Variants in RCSD1 observed in about 807,000 individuals in gnomAD.
RCSD1 encodes RCSD domain containing 1, also known as capZ-interacting protein.
Under a neutral mutation model 42.5 loss-of-function variants are expected in RCSD1, and 26 were observed. That is an observed-to-expected ratio of 0.61 (90% CI 0.45 to 0.85). RCSD1 has a LOEUF of 0.85. Among genes scored for constraint, RCSD1 ranks in the 40% least tolerant of loss-of-function variants. The probability of loss-of-function intolerance (pLI) is 0.00; values close to 1 mark genes in which losing one functional copy is unlikely to be tolerated. For missense variants in RCSD1, 571 were observed against 528.3 expected, an observed-to-expected ratio of 1.08 and a Z score of -0.79; for synonymous variants, 220 against 212.2, an observed-to-expected ratio of 1.04 and a Z score of -0.32.
chr1:167,656,105 T>C (rs1658420529), intron 1 of RCSD1, among the ~76,000 whole-genome samples: 1 of 152,190 alleles, frequency 6.6e-6, no homozygotes, highest in Admixed American at 6.5e-5. Flanking sequence ...TTATACAGCC[T>C]ATCTTTTAAA....
intron 1 of RCSD1, among the ~76,000 whole-genome samples, chr1:167,639,776 G>A (rs12023442): frequency 0.22 from 33,381 of 152,216 alleles, 3,884 homozygotes; most frequent in Non-Finnish European, 0.24. Context: ...TTACAGGCAT[G>A]AGCCATGATG....
At chr1:167,680,506 C>G (rs1442312497) in intron 1 of RCSD1, among the ~76,000 whole-genome samples, 1 of 151,820 alleles carries the variant, frequency 6.6e-6, no homozygotes, top group Non-Finnish European at 1.5e-5. Flanking sequence ...GGCAGAGTCT[C>G]TGTTGCCCCA....
chr1:167,632,959 C>T (rs939405877), intron 1 of RCSD1, among the ~76,000 whole-genome samples: 9 of 152,116 alleles, frequency 5.9e-5, no homozygotes, highest in African/African-American at 2.2e-4. Flanking sequence ...CAGAGTAAAA[C>T]CCTCTTTTGA....
intron 1 of RCSD1, among the ~76,000 whole-genome samples, chr1:167,654,104 G>A (rs571670826): frequency 1.2e-4 from 18 of 152,280 alleles, no homozygotes; most frequent in Non-Finnish European, 2.5e-4. Context: ...GATCATCTTC[G>A]TTAAGCACTA....
intron 6 of RCSD1, 79 bp from the exon 7 acceptor site, chr1:167,704,585 A>G: frequency 8.2e-7 from 1 of 1,222,680 alleles, no homozygotes; most frequent in East Asian, 2.3e-5. Flanking sequence ...TGCCAGATCC[A>G]TCATCCCCAA....
intron 3 of RCSD1, among the ~76,000 whole-genome samples, chr1:167,689,617 A>G (rs1407644609): frequency 6.6e-6 from 1 of 152,134 alleles, no homozygotes; most frequent in Admixed American, 6.5e-5. Flanking sequence ...TTCCAGTCAT[A>G]CCTCTGTCAT....
intron 1 of RCSD1, among the ~76,000 whole-genome samples, chr1:167,669,663 T>C (rs1658754309): frequency 1.3e-5 from 2 of 152,234 alleles, no homozygotes; most frequent in Non-Finnish European, 1.5e-5. Context: ...ACTGAATTAT[T>C]ATCATTGATT....
chr1:167,637,145 G>C (rs1229949010), intron 1 of RCSD1, among the ~76,000 whole-genome samples: 3 of 152,164 alleles, frequency 2.0e-5, no homozygotes, highest in South Asian at 2.1e-4. Flanking sequence ...GGGTGAGTAA[G>C]AGTTAACCAA....
chr1:167,673,732 A>G (rs145636570), intron 1 of RCSD1, among the ~76,000 whole-genome samples: 1 of 152,312 alleles, frequency 6.6e-6, no homozygotes, highest in East Asian at 1.9e-4. Context: ...CTTAGACCAT[A>G]TTGAACTAAA....
chr1:167,671,936 C>T (rs1658819200), intron 1 of RCSD1, among the ~76,000 whole-genome samples: 1 of 152,184 alleles, frequency 6.6e-6, no homozygotes, highest in South Asian at 2.1e-4. Flanking sequence ...ACCAGCTCTG[C>T]TTACCCTTCA....
At chr1:167,701,901 C>T (rs1003925456) in intron 6 of RCSD1, among the ~76,000 whole-genome samples, 2 of 152,182 alleles carry the variant, frequency 1.3e-5, no homozygotes, top group Admixed American at 6.5e-5. Flanking sequence ...TATGGGCTTC[C>T]TCAGGCACCC....
chr1:167,630,480 G>C, intron 1 of RCSD1, 51 bp downstream of exon 1: 2 of 1,498,076 alleles, frequency 1.3e-6, no homozygotes, highest in African/African-American at 1.4e-5. Context: ...CGGTGTATCG[G>C]GCGCCCCTTC....
intron 1 of RCSD1, chr1:167,664,970 G>A (rs1442775974): frequency 1.3e-5 from 2 of 151,092 alleles, no homozygotes; most frequent in African/African-American, 4.9e-5. Context: ...CTCAGGAGGT[G>A]AAGGTTGCAG....
chr1:167,645,740 C>A (rs1658120884), intron 1 of RCSD1, among the ~76,000 whole-genome samples: 1 of 152,154 alleles, frequency 6.6e-6, no homozygotes, highest in Non-Finnish European at 1.5e-5. Flanking sequence ...GACCTCTTAA[C>A]CCACATGTGT....
intron 3 of RCSD1, among the ~76,000 whole-genome samples, chr1:167,687,766 T>C (rs1659271555): frequency 6.6e-6 from 1 of 152,186 alleles, no homozygotes; most frequent in Non-Finnish European, 1.5e-5. Context: ...CTATGCTTGC[T>C]CAGGTCTGAG....
chr1:167,694,150 A>T lies in RCSD1; in HGVS notation c.322A>T (p.Ser108Cys), dbSNP rs1294462776. Reference protein sequence around the residue: ...AALLPGASPKSPGLKAMVSPF... With the variant: ...AALLPGASPKCPGLKAMVSPF... Reference sequence around the variant, plus strand: ...TCTACTGCCTGGGGCCTCACCCAAGAGTCCTGGACTCAAGGCTATGGTGTC... The same window carrying T: ...TCTACTGCCTGGGGCCTCACCCAAGTGTCCTGGACTCAAGGCTATGGTGTC... Residue 108 changes from serine (S) to cysteine (C), a missense_variant, in exon 5 of 7, where the codon AGT becomes TGT. Transcript: ENST00000367854. 6 of 1,614,082 alleles carry T rather than the reference A, an allele frequency of 3.7e-6. No homozygotes were observed. Among genetic ancestry groups the T allele is most frequent in the Non-Finnish European group, 5.1e-6 (6 of 1,180,056 alleles).
At chr1:167,692,778 A>G (rs934727920) in intron 4 of RCSD1, among the ~76,000 whole-genome samples, 6 of 152,192 alleles carry the variant, frequency 3.9e-5, no homozygotes, top group Non-Finnish European at 5.9e-5. Context: ...TATTAAGATC[A>G]CAATGAAAAC....
chr1:167,663,617 C>T (rs1298262910), intron 1 of RCSD1: 1 of 152,290 alleles, frequency 6.6e-6, no homozygotes, highest in African/African-American at 2.4e-5. Context: ...TTGTAAATTC[C>T]TCCGACATGA....
intron 1 of RCSD1, chr1:167,640,426 A>C (rs1432198002): frequency 1.3e-5 from 2 of 152,202 alleles, no homozygotes; most frequent in African/African-American, 4.8e-5. Flanking sequence ...GTGTCATTGG[A>C]TCAGGACCTA....
Sources: allele counts gnomAD v4.1 joint callset (sites outside exome capture counted in the v4.1 genomes callset), GRCh38; gene constraint gnomAD v4.1.1; transcripts MANE v1.5; gene names NCBI Gene and HGNC (gene_info 2026-07-23, HGNC 2026-07-21).